The following PFKFB2 variants were observed in gnomAD, a reference collection of about 807,000 sequenced individuals.
The protein encoded by PFKFB2 is 6-phosphofructo-2-kinase/fructose-2,6-bisphosphatase 2.
A neutral mutation model predicts 68.0 loss-of-function variants in PFKFB2; 53 were observed. The ratio of observed to expected loss-of-function variants is 0.78; its 90% CI spans 0.63 to 0.98. PFKFB2 has a LOEUF of 0.98. Among genes scored for constraint, PFKFB2 ranks in the 50% least tolerant of loss-of-function variants. The pLI is 0.00. For missense variants in PFKFB2, 451 were observed against 642.0 expected (o/e 0.70, Z 3.22); for synonymous variants, 222 against 227.6 (o/e 0.98, Z 0.22).
chr1:207,040,100 G>C (rs1201149026), intron 1 of PFKFB2, among the ~76,000 whole-genome samples: 1 of 152,212 alleles, frequency 6.6e-6, no homozygotes, highest in Admixed American at 6.5e-5. Context: ...GGGACTAGCT[G>C]TGTTGGACTT....
intron 8 of PFKFB2, 130 bp downstream of exon 8, chr1:207,065,290 A>G: frequency 1.4e-6 from 2 of 1,473,226 alleles, no homozygotes; most frequent in Non-Finnish European, 1.8e-6. Context: ...TCCCAGAGAA[A>G]TAAGGTATGG....
intron 2 of PFKFB2, chr1:207,048,019 T>A (rs1359186589): frequency 1.3e-5 from 2 of 152,232 alleles, no homozygotes; most frequent in Non-Finnish European, 2.9e-5. Context: ...TTGAAAAAAA[T>A]TTTTTGGAGG....
intron 7 of PFKFB2, among the ~76,000 whole-genome samples, chr1:207,064,630 G>T (rs114882700): frequency 3.3e-5 from 5 of 152,326 alleles, no homozygotes; most frequent in Non-Finnish European, 7.3e-5. Flanking sequence ...TCTCCCAGCC[G>T]TAGGAACTTG....
Position 207,073,558 on chromosome 1 carries a change from A to G in PFKFB2, c.*1187A>G. The G allele has an allele frequency of 1.0e-6, 1 of 985,180 alleles. No individual in the cohort carries two copies. Among genetic ancestry groups the G allele is most frequent in the African/African-American group, 1.7e-5 (1 of 57,364 alleles). 61.0% of individuals were successfully genotyped at this position (985,180 alleles called of 1,614,324 possible). A position where few individuals can be genotyped will look rare whatever the true frequency, so the allele number is the denominator to read the frequency against. ...TTTTTACATGACCATTTTTTTCCCA[A>G]ATGTGGAAAAGCTTGATGATGAATT... On this transcript the variant is annotated 3_prime_UTR_variant, in exon 15 of 15. Transcript: ENST00000367080.
chr1:207,039,872 C>T (rs971623246), intron 1 of PFKFB2, among the ~76,000 whole-genome samples: 1 of 152,154 alleles, frequency 6.6e-6, no homozygotes, highest in Non-Finnish European at 1.5e-5. Context: ...TTGAGGCCAG[C>T]CACTTTTCCT....
chr1:207,051,939 G>C (rs191093352), upstream of PFKFB2, among the ~76,000 whole-genome samples: 415 of 152,332 alleles, frequency 2.7e-3, 5 homozygotes, highest in Non-Finnish European at 2.8e-3. Context: ...TCTGGGAGTT[G>C]TAAAAAGCCT....
intron 2 of PFKFB2, among the ~76,000 whole-genome samples, chr1:207,057,748 T>C (rs1269734296): frequency 2.0e-5 from 3 of 152,256 alleles, no homozygotes; most frequent in Non-Finnish European, 4.4e-5. Flanking sequence ...TTGTTCATAT[T>C]CTGTTCAGCT....
At chr1:207,037,020 G>T (rs1241951029) in intron 1 of PFKFB2, among the ~76,000 whole-genome samples, 1 of 152,182 alleles carries the variant, frequency 6.6e-6, no homozygotes, top group Non-Finnish European at 1.5e-5. Context: ...AGTTTTGGGA[G>T]AGTGGAGGTT....
intron 2 of PFKFB2, chr1:207,047,604 A>G (rs1318017773): frequency 1.3e-5 from 2 of 152,640 alleles, no homozygotes. Flanking sequence ...ATAATTTAGC[A>G]TCCCTGATCA....
chr1:207,059,380 G>C (rs1683020231), intron 2 of PFKFB2, among the ~76,000 whole-genome samples: 2 of 152,178 alleles, frequency 1.3e-5, no homozygotes, highest in Non-Finnish European at 2.9e-5. Context: ...GGGGGATTGA[G>C]AGCAGGCATT....
At chr1:207,051,005 T>G, upstream of PFKFB2, 1 of 1,524,784 alleles carries the variant, frequency 6.6e-7, no homozygotes, top group Non-Finnish European at 8.8e-7. Flanking sequence ...GACTCCAAAA[T>G]GGCGACCTTT....
At chr1:207,069,645 C>T (rs1008717313) in intron 11 of PFKFB2, 117 bp downstream of exon 11, 10 of 662,602 alleles carry the variant, frequency 1.5e-5, no homozygotes, top group Middle Eastern at 2.9e-4. Flanking sequence ...ATCTTCCTTC[C>T]CTTGGGTCAT....
At chr1:207,047,684 T>G (rs1471666491) in intron 2 of PFKFB2, 3 of 152,624 alleles carry the variant, frequency 2.0e-5, no homozygotes, top group Non-Finnish European at 4.4e-5. Context: ...TTTTAGAGGG[T>G]GTGCCTTGCG....
chr1:207,075,307 G>T lies in PFKFB2; in HGVS notation c.*2936G>T. ...CTGAGGTGGTCTTATCCTCAGATAG[G>T]ACATGAGAAATTGGAATTTGGCAAG... On this transcript the variant is annotated 3_prime_UTR_variant, in exon 15 of 15. Coordinates refer to ENST00000367080, the MANE Select transcript of PFKFB2 (RefSeq NM_006212.2). 1 of 985,426 alleles carries T rather than the reference G, an allele frequency of 1.0e-6. No individual in the cohort carries two copies. The highest frequency in any genetic ancestry group is 1.2e-6 in the Non-Finnish European group (1 of 829,934). The allele number at this position is 985,426 out of a possible 1,614,324, so 61.0% of individuals were successfully genotyped here.
At chr1:207,052,157 A>T (rs1558055236), upstream of PFKFB2, 4 of 1,609,130 alleles carry the variant, frequency 2.5e-6, no homozygotes, top group Non-Finnish European at 2.5e-6. Flanking sequence ...CAACTATGAA[A>T]AGTGTAGTTC....
chr1:207,050,997 C>T, upstream of PFKFB2: 1 of 1,529,880 alleles, frequency 6.5e-7, no homozygotes, highest in East Asian at 2.5e-5. Context: ...GCCGGGTGGA[C>T]TCCAAAATGG....
rs534266400 is a variant in PFKFB2 at position 207,072,524 on chromosome 1, A to T, written c.*153A>T. On this transcript the variant is annotated 3_prime_UTR_variant, in exon 15 of 15. Transcript: ENST00000367080. Reference sequence around the variant, plus strand: ...ACCATTAATCTTAACACAGAACATGAGGTTATGTGTTTATAGGACAACTTA... The same window carrying T: ...ACCATTAATCTTAACACAGAACATGTGGTTATGTGTTTATAGGACAACTTA... The T allele has an allele frequency of 2.4e-5, 34 of 1,420,760 alleles. No homozygotes were observed. In the Admixed American group the frequency reaches 8.1e-4, roughly 34 times the overall value. 88.0% of individuals were successfully genotyped at this position (1,420,760 alleles called of 1,614,324 possible).
intron 1 of PFKFB2, among the ~76,000 whole-genome samples, chr1:207,041,979 T>G (rs1469274702): frequency 6.6e-6 from 1 of 152,258 alleles, no homozygotes; most frequent in Non-Finnish European, 1.5e-5. Context: ...TAATGTATTT[T>G]GATAGCTTTC....
intron 9 of PFKFB2, 143 bp from the exon 10 acceptor site, chr1:207,068,020 T>C (rs898844212): frequency 4.1e-5 from 30 of 727,966 alleles, no homozygotes; most frequent in Non-Finnish European, 3.8e-5. Flanking sequence ...ATGTAGCACC[T>C]TATGGATTTT....
Sources: gnomAD v4.1 joint callset for allele counts (sites outside exome capture counted in the v4.1 genomes callset) on GRCh38, gnomAD v4.1.1 for gene constraint, MANE v1.5 for transcripts, NCBI Gene and HGNC (gene_info 2026-07-23, HGNC 2026-07-21) for gene names.